The following SNRNP70 variants were observed in gnomAD, a reference collection of about 807,000 sequenced individuals.
SNRNP70 encodes small nuclear ribonucleoprotein U1 subunit 70.
In SNRNP70, 8 loss-of-function variants were observed where a neutral mutation model predicts 50.5. That is an observed-to-expected ratio of 0.16 (90% CI 0.09 to 0.29). The LOEUF (loss-of-function observed/expected upper bound fraction) is 0.29, where lower values mean the gene tolerates loss of function less well. SNRNP70 is among the 10% of genes least tolerant of loss of function. The pLI, the probability that SNRNP70 is intolerant of heterozygous loss-of-function variation, is 1.00. For missense variants in SNRNP70, 529 were observed against 663.5 expected, an observed-to-expected ratio of 0.80 and a Z score of 2.23; for synonymous variants, 320 against 252.9, an observed-to-expected ratio of 1.27 and a Z score of -2.52.
rs1167471516 is a variant in SNRNP70, at chr19:49,090,300, G to C, written c.157G>C (p.Asp53His). 6.2e-7 allele frequency: 1 copy of C among 1,613,856 alleles called. No homozygotes were observed. Among genetic ancestry groups the C allele is most frequent in the Non-Finnish European group, 8.5e-7 (1 of 1,180,006 alleles). ...PYIREFEDPRDAPPPTRAETR... is the reference protein window; with the variant it reads ...PYIREFEDPRHAPPPTRAETR... ...CTCTTCTTGTTCCCAGGACCCTCGAGATGCCCCTCCTCCAACTCGTGCTGA... is the reference window on the plus strand; with the variant it reads ...CTCTTCTTGTTCCCAGGACCCTCGACATGCCCCTCCTCCAACTCGTGCTGA... The change falls in exon 3 of 10, where the codon GAT becomes CAT. Residue 53 changes from aspartate (D) to histidine (H), a missense_variant. Around this residue, in one of 4 missense-constraint regions of SNRNP70, gnomAD observed 149 missense variants for 259.7 expected, o/e 0.57. Coordinates refer to ENST00000598441, the MANE Select transcript of SNRNP70 (RefSeq NM_003089.6).
intron 8 of SNRNP70, among the ~76,000 whole-genome samples, chr19:49,106,885 G>T (rs2040676755): frequency 6.6e-6 from 1 of 152,242 alleles, no homozygotes; most frequent in African/African-American, 2.4e-5. Flanking sequence ...CATGCCCACG[G>T]TTCCGGTGCC....
chr19:49,089,605 A>T (rs955487034), intron 2 of SNRNP70, among the ~76,000 whole-genome samples: 4 of 151,716 alleles, frequency 2.6e-5, no homozygotes, highest in Admixed American at 2.6e-4. Context: ...ACAGTCCAGC[A>T]ACAGTTTAGA....
Position 49,086,444 on chromosome 19 carries a change from G to A in SNRNP70, c.30G>A (p.Leu10=). Residue 10 remains leucine (L), a synonymous_variant, in exon 2 of 10, where the codon CTG becomes CTA. Coordinates refer to ENST00000598441, the MANE Select transcript of SNRNP70 (RefSeq NM_003089.6). MTQFLPPNL[L]ALFAPRDPIP... is the part of the protein sequence containing the mutation. ...CCCAGTTCCTGCCGCCCAACCTTCT[G>A]GCCCTCTTTGCCCCCCGTGACCCTA... The A allele has an allele frequency of 6.2e-7, 1 of 1,613,824 alleles. No individual in the cohort carries two copies. Among genetic ancestry groups the A allele is most frequent in the Non-Finnish European group, 8.5e-7 (1 of 1,179,896 alleles).
intron 4 of SNRNP70, among the ~76,000 whole-genome samples, chr19:49,098,034 C>T (rs918188614): frequency 3.3e-5 from 5 of 152,214 alleles, no homozygotes; most frequent in Admixed American, 2.0e-4. Flanking sequence ...GAGCTCAGAA[C>T]CTGGGGGCAT....
chr19:49,091,555 C>T lies in SNRNP70; in HGVS notation c.265+1035C>T, dbSNP rs368086646. 2.2e-4 allele frequency among the ~76,000 whole-genome samples: 33 copies of T among 152,182 alleles called. No homozygotes were observed. The East Asian group carries it at 5.0e-3, about 23-fold the overall frequency. ...GAGTGTTAGGTATGCTGTCTAGGCT[C>T]GTGGAAGTGCCATCTCATGTTGGCA... is the stretch of plus-strand genomic sequence containing the variant. On this transcript the variant is annotated intron_variant, in intron 4 of 9. Coordinates refer to ENST00000598441, the MANE Select transcript of SNRNP70 (RefSeq NM_003089.6).
At chr19:49,105,373 T>G (rs1168224462) in intron 8 of SNRNP70, among the ~76,000 whole-genome samples, 1 of 152,076 alleles carries the variant, frequency 6.6e-6, no homozygotes, top group Non-Finnish European at 1.5e-5. Flanking sequence ...ATGGGCATCC[T>G]TTGGAGTTCG....
At chr19:49,088,416 G>C (rs1461502531) in intron 2 of SNRNP70, among the ~76,000 whole-genome samples, 1 of 150,268 alleles carries the variant, frequency 6.7e-6, no homozygotes, top group Non-Finnish European at 1.5e-5. Flanking sequence ...AGCCAGGATG[G>C]TCTTGATCTC....
chr19:49,093,660 CAG>C (rs1204090755), intron 4 of SNRNP70, among the ~76,000 whole-genome samples: 1 of 93,688 alleles, frequency 1.1e-5, no homozygotes, highest in Non-Finnish European at 2.1e-5. Flanking sequence ...GCCTGGGTGA[CAG>C]AACAAGATTC....
At chr19:49,097,471 C>T (rs965689079) in intron 4 of SNRNP70, among the ~76,000 whole-genome samples, 2 of 152,186 alleles carry the variant, frequency 1.3e-5, no homozygotes, top group African/African-American at 2.4e-5. Flanking sequence ...CTGCTCGGGT[C>T]ATCACCAGGG....
intron 8 of SNRNP70, among the ~76,000 whole-genome samples, chr19:49,105,790 C>T (rs1049867051): frequency 1.3e-5 from 2 of 152,152 alleles, no homozygotes; most frequent in Non-Finnish European, 2.9e-5. Context: ...TGACAGCCCA[C>T]AGCTTGCTTC....
At chr19:49,088,051 CT>C (rs2040403572) in intron 2 of SNRNP70, among the ~76,000 whole-genome samples, 1 of 151,976 alleles carries the variant, frequency 6.6e-6, no homozygotes, top group Non-Finnish European at 1.5e-5. Flanking sequence ...ACCACCACGC[CT>C]GGCTAATTTT....
intron 2 of SNRNP70, among the ~76,000 whole-genome samples, chr19:49,089,486 A>AG (rs1219162337): frequency 6.6e-6 from 1 of 151,976 alleles, no homozygotes; most frequent in African/African-American, 2.4e-5. Context: ...CAGAAAAAAA[A>AG]AAGACCTACA....
At chr19:49,096,245 C>T (rs1338999761) in intron 4 of SNRNP70, among the ~76,000 whole-genome samples, 1 of 151,418 alleles carries the variant, frequency 6.6e-6, no homozygotes, top group African/African-American at 2.4e-5. Context: ...TTAGTAGAGA[C>T]GGGGTTTCGC....
rs965940573 is a variant in SNRNP70, at chr19:49,107,012, G to A, written c.578-613G>A. 6.6e-6 allele frequency among the ~76,000 whole-genome samples: 1 copy of A among 152,166 alleles called. No homozygotes were observed. The highest frequency in any genetic ancestry group is 2.4e-5 in the African/African-American group (1 of 41,420). ...ATAGGACTGTGAGGAGAGACTTCCC[G>A]AGAAAGGATGTTCGGGCTAGCGTTA... On this transcript the variant is annotated intron_variant, in intron 8 of 9. Coordinates refer to ENST00000598441, the MANE Select transcript of SNRNP70 (RefSeq NM_003089.6). This position sits in a 1 kb window ranked among gnomAD's most constrained non-coding sequence, Gnocchi z 6.0.
Position 49,086,413 on chromosome 19 carries a change from A to C in SNRNP70, c.-2A>C, listed in dbSNP as rs923337125. ...CCTGCTTCTGCTCTCAGACTTGGCA[A>C]GATGACCCAGTTCCTGCCGCCCAAC... On this transcript the variant is annotated 5_prime_UTR_variant, in exon 2 of 10. Coordinates refer to ENST00000598441, the MANE Select transcript of SNRNP70 (RefSeq NM_003089.6). 2 of 1,612,294 alleles carry C rather than the reference A, an allele frequency of 1.2e-6. No individual in the cohort carries two copies. The highest frequency in any genetic ancestry group is 2.7e-5 in the African/African-American group (2 of 74,900).
At chr19:49,098,285 G>T (rs1035443824) in intron 4 of SNRNP70, 142 bp from the exon 5 acceptor site, 4 of 693,994 alleles carry the variant, frequency 5.8e-6, no homozygotes, top group Non-Finnish European at 5.1e-6. Context: ...CCCTGAGGTT[G>T]CCAGGTCACC....
Position 49,108,407 on chromosome 19 carries a change from G to T in SNRNP70, c.1278G>T (p.Pro426=). Residue 426 remains proline, a synonymous_variant, in exon 10 of 10, where the codon CCG becomes CCT. Transcript: ENST00000598441. Reference sequence around the variant, plus strand: ...AGGGCGGCGACGGCTACCTGGCTCCGGAGAATGGGTATTTGATGGAGGCTG... The same window carrying T: ...AGGGCGGCGACGGCTACCTGGCTCCTGAGAATGGGTATTTGATGGAGGCTG... The part of the protein sequence containing the change: ...ESEGGDGYLA[P]ENGYLMEAAP... The T allele has an allele frequency of 6.2e-7, 1 of 1,610,570 alleles. No homozygotes were observed. Among genetic ancestry groups the T allele is most frequent in the Non-Finnish European group, 8.5e-7 (1 of 1,178,546 alleles).
At chr19:49,088,263 C>T (rs568536184) in intron 2 of SNRNP70, among the ~76,000 whole-genome samples, 6 of 134,904 alleles carry the variant, frequency 4.4e-5, no homozygotes, top group South Asian at 4.8e-4. Flanking sequence ...AGTGCAGTGG[C>T]GTGATCTCGG....
chr19:49,095,773 T>A (rs2040505181), intron 4 of SNRNP70, among the ~76,000 whole-genome samples: 1 of 152,094 alleles, frequency 6.6e-6, no homozygotes, highest in Admixed American at 6.6e-5. Context: ...GTGATCCGCC[T>A]GCCTTGGCCT....
Sources: gnomAD v4.1 joint callset for allele counts (sites outside exome capture counted in the v4.1 genomes callset) on GRCh38, gnomAD v4.1.1 for gene constraint, gnomAD v4.1.1 regional missense constraint, Gnocchi (gnomAD v3.1) non-coding constraint, MANE v1.5 for transcripts, NCBI Gene and HGNC (gene_info 2026-07-23, HGNC 2026-07-21) for gene names.